HERC3: variants seen among roughly 807,000 people sequenced by gnomAD.
The protein encoded by HERC3 is probable E3 ubiquitin-protein ligase HERC3.
HERC3 carries 58 observed loss-of-function variants against 129.9 expected under a neutral mutation model. That is an observed-to-expected ratio of 0.45 (90% CI 0.36 to 0.56). HERC3 has a LOEUF of 0.56. HERC3 is among the 20% of genes least tolerant of loss of function. The pLI is 0.00. For synonymous variants in HERC3, 430 were observed against 451.0 expected (o/e 0.95, Z 0.59); for missense variants, 835 against 1,244.2 (o/e 0.67, Z 4.95).
At chr4:88,662,038 T>C (rs1436050256) in intron 10 of HERC3, among the ~76,000 whole-genome samples, 1 of 152,128 alleles carries the variant, frequency 6.6e-6, no homozygotes, top group Non-Finnish European at 1.5e-5. Context: ...GAACATCTAC[T>C]GAGGGATGAA....
chr4:88,684,920 T>A (rs1733240003), intron 21 of HERC3: 1 of 152,350 alleles, frequency 6.6e-6, no homozygotes. Context: ...TCTGTATCGT[T>A]CCAATTTTAG....
intron 23 of HERC3, among the ~76,000 whole-genome samples, chr4:88,698,305 T>C (rs1734890994): frequency 6.6e-6 from 1 of 152,126 alleles, no homozygotes; most frequent in South Asian, 2.1e-4. Context: ...TTTGGGGACC[T>C]GGGGTGCATG....
intron 3 of HERC3, among the ~76,000 whole-genome samples, chr4:88,607,670 T>C (rs781174404): frequency 6.6e-6 from 1 of 152,192 alleles, no homozygotes; most frequent in Non-Finnish European, 1.5e-5. Context: ...AGTTTTGCCA[T>C]GTTGTCCAGG....
chr4:88,531,123 G>T, the HERC3 span, among the ~76,000 whole-genome samples: 7 of 151,976 alleles, frequency 4.6e-5, no homozygotes, highest in Non-Finnish European at 8.8e-5. Context: ...CTCCCAAAGT[G>T]CTGGGATTAT....
At chr4:88,697,808 C>T in intron 23 of HERC3, 3 of 1,527,910 alleles carry the variant, frequency 2.0e-6, no homozygotes, top group Non-Finnish European at 1.8e-6. Flanking sequence ...GCCCTGCACC[C>T]GAGCTGGTCC....
chr4:88,604,562 T>C (rs924717281), intron 2 of HERC3, among the ~76,000 whole-genome samples: 4 of 152,260 alleles, frequency 2.6e-5, no homozygotes, highest in Non-Finnish European at 2.9e-5. Context: ...TGGACTTTTG[T>C]GACTGGATTC....
chr4:88,532,536 T>A, the HERC3 span, among the ~76,000 whole-genome samples: 1 of 152,218 alleles, frequency 6.6e-6, no homozygotes, highest in African/African-American at 2.4e-5. Flanking sequence ...AGTGCAGATC[T>A]TCTTTACTCA....
Position 88,704,091 on chromosome 4 carries a change from C to G in HERC3, c.2658-7C>G, listed in dbSNP as rs775397722. On this transcript the variant is annotated splice_region_variant and splice_polypyrimidine_tract_variant and intron_variant, in intron 23 of 25. Transcript: ENST00000402738. ...AGCTAAATGTATTTTCTTTTGTGTT[C>G]TGGCAGGCAGGAATTTGTGGATGCT... 3 of 1,612,732 alleles carry G rather than the reference C, an allele frequency of 1.9e-6. No homozygotes were observed. The South Asian group carries it at 3.3e-5, about 18-fold the overall frequency.
At chr4:88,608,441 A>G (rs991271704) in intron 3 of HERC3, among the ~76,000 whole-genome samples, 1 of 152,214 alleles carries the variant, frequency 6.6e-6, no homozygotes, top group African/African-American at 2.4e-5. Context: ...ACAGATGAAC[A>G]CCATTCCATG....
chr4:88,692,118 C>T (rs539400409), intron 23 of HERC3, among the ~76,000 whole-genome samples: 2 of 152,150 alleles, frequency 1.3e-5, no homozygotes, highest in South Asian at 4.1e-4. Flanking sequence ...GCATCATAGA[C>T]AAATCTTGCC....
chr4:88,620,201 G>C (rs553132509), intron 3 of HERC3, among the ~76,000 whole-genome samples: 56 of 152,194 alleles, frequency 3.7e-4, no homozygotes, highest in African/African-American at 1.3e-3. Context: ...AAATATAACG[G>C]GTCACAAGAT....
At chr4:88,552,319 G>A in the HERC3 span, among the ~76,000 whole-genome samples, 2 of 151,792 alleles carry the variant, frequency 1.3e-5, no homozygotes, top group Non-Finnish European at 2.9e-5. Context: ...TGCTCTTTGT[G>A]TCTCAGAGTC....
Position 88,670,119 on chromosome 4 carries a change from T to A in HERC3, c.1798-20T>A, listed in dbSNP as rs1731458303. On this transcript the variant is annotated intron_variant, in intron 15 of 25. Coordinates refer to ENST00000402738, the MANE Select transcript of HERC3 (RefSeq NM_014606.3). Reference sequence around the variant, plus strand: ...TCTGGGAAGCCATGTTTCAGTTGTCTGTATTTTGTTCTTCATTAGGTAAAT... The same window carrying A: ...TCTGGGAAGCCATGTTTCAGTTGTCAGTATTTTGTTCTTCATTAGGTAAAT... The A allele has an allele frequency of 3.7e-6, 6 of 1,603,400 alleles. No individual in the cohort carries two copies. The East Asian group carries it at 1.3e-4, about 36-fold the overall frequency.
Position 88,605,791 on chromosome 4 carries a change from C to T in HERC3, c.-29-4C>T, listed in dbSNP as rs1365160328. On this transcript the variant is annotated splice_polypyrimidine_tract_variant and splice_region_variant and intron_variant, in intron 2 of 25. Transcript: ENST00000402738. ...AAAAATAATTTTTTTAAACTCTCTC[C>T]TAGGCTACATGATTCCCTGAAAGAT... 1.3e-6 allele frequency: 2 copies of T among 1,560,054 alleles called. No homozygotes were observed. The highest frequency in any genetic ancestry group is 1.8e-6 in the Non-Finnish European group (2 of 1,131,252).
rs998656421 is a variant in HERC3 at position 88,707,235 on chromosome 4, T to A, written c.*275T>A. The A allele has an allele frequency of 4.8e-6, 2 of 418,168 alleles. No individual in the cohort carries two copies. Among genetic ancestry groups the A allele is most frequent in the Non-Finnish European group, 8.7e-6 (2 of 229,022 alleles). The allele number at this position is 418,168 out of a possible 1,614,324, so 25.9% of individuals were successfully genotyped here. ...AACTACCCAGTATTCCTTGCACTTG[T>A]GAATGTGTTGCACTCTGCTGGATGA... On this transcript the variant is annotated 3_prime_UTR_variant, in exon 26 of 26. Coordinates refer to ENST00000402738, the MANE Select transcript of HERC3 (RefSeq NM_014606.3).
At chr4:88,682,358 C>T (rs1732874077) in intron 21 of HERC3, among the ~76,000 whole-genome samples, 1 of 151,796 alleles carries the variant, frequency 6.6e-6, no homozygotes, top group Non-Finnish European at 1.5e-5. Context: ...TTTTAGGATA[C>T]ATGTGCACAA....
chr4:88,693,018 G>A, intron 23 of HERC3: 1 of 979,508 alleles, frequency 1.0e-6, no homozygotes, highest in Non-Finnish European at 1.2e-6. Flanking sequence ...GGAATGGAAT[G>A]TCTGAATTTT....
At position 88,597,936 on chromosome 4, in the gene HERC3, T is replaced by G. The variant is rs969510775; in HGVS notation, c.-30+2322T>G. 2.6e-5 allele frequency: 4 copies of G among 152,254 alleles called. No individual in the cohort carries two copies. The East Asian group carries it at 7.7e-4, about 29-fold the overall frequency. The allele number at this position is 152,254 out of a possible 1,614,324, so 9.4% of individuals were successfully genotyped here. On this transcript the variant is annotated intron_variant, in intron 2 of 25. Transcript: ENST00000402738. The stretch of plus-strand genomic sequence containing the variant: ...ATAAGGCAAGTCATTAAAATGAATC[T>G]TCTTTGTTACCAGAGTTAATTCTGC...
the HERC3 span, chr4:88,523,897 A>G: frequency 3.9e-5 from 22 of 562,848 alleles, no homozygotes; most frequent in South Asian, 7.4e-5. Flanking sequence ...GGCGTCATCT[A>G]TAGTCCGGAG....
Sources: allele counts gnomAD v4.1 joint callset (sites outside exome capture counted in the v4.1 genomes callset), GRCh38; gene constraint gnomAD v4.1.1; transcripts MANE v1.5; gene names NCBI Gene and HGNC (gene_info 2026-07-23, HGNC 2026-07-21).